The following STARD5 variants were observed in gnomAD, a reference collection of about 807,000 sequenced individuals.
The protein encoded by STARD5 is StAR related lipid transfer domain containing 5, also known as stAR-related lipid transfer protein 5.
In STARD5, 26 loss-of-function variants were observed where a neutral mutation model predicts 24.6. That is an observed-to-expected ratio of 1.06 (90% confidence interval 0.77 to 1.47). STARD5 has a LOEUF of 1.47. Ranked by LOEUF, STARD5 falls within the 40% of genes most tolerant of loss-of-function variation. The probability of loss-of-function intolerance (pLI) is 0.00; values close to 1 mark genes in which losing one functional copy is unlikely to be tolerated. For missense variants in STARD5, 254 were observed against 270.8 expected (o/e 0.94, Z 0.44); for synonymous variants, 101 against 99.7 (o/e 1.01, Z -0.07).
At position 81,324,060 on chromosome 15, in the gene STARD5, C is replaced by T; in HGVS notation, c.40G>A (p.Ala14Thr). The stretch of plus-strand genomic sequence containing the variant: ...CGCCGGTACTGGAGCATCTTCTCGG[C>T]CACAGCCTCGCTCATCTGGGCTGCC... Reference protein sequence around the residue: ...ALAAQMSEAVAEKMLQYRRDT... With the variant: ...ALAAQMSEAVTEKMLQYRRDT... Residue 14 changes from alanine to threonine, a missense_variant, in exon 1 of 6, where the codon GCC becomes ACC. By Grantham distance (58) the Ala-to-Thr change is moderately conservative. Coordinates refer to ENST00000302824, the MANE Select transcript of STARD5 (RefSeq NM_181900.3). 4.4e-6 allele frequency: 7 copies of T among 1,583,852 alleles called. No individual in the cohort carries two copies. The highest frequency in any genetic ancestry group is 6.0e-6 in the Non-Finnish European group (7 of 1,162,050).
intron 1 of STARD5, 199 bp downstream of exon 1, chr15:81,323,802 C>A (rs1182324491): frequency 1.4e-6 from 1 of 701,778 alleles, no homozygotes; most frequent in Admixed American, 2.5e-5. Context: ...AGATACTTAC[C>A]ACCTGAAGTC....
chr15:81,319,861 C>A (rs915699533), intron 3 of STARD5, among the ~76,000 whole-genome samples: 3 of 152,134 alleles, frequency 2.0e-5, no homozygotes, highest in Non-Finnish European at 2.9e-5. Flanking sequence ...GAACTCAGCA[C>A]GAAGCTCATG....
chr15:81,317,310 CAGAA>C (rs1901105243), intron 5 of STARD5, among the ~76,000 whole-genome samples: 1 of 152,080 alleles, frequency 6.6e-6, no homozygotes. Flanking sequence ...TTCAGCCCCT[CAGAA>C]GGAAGGACTC....
At position 81,322,404 on chromosome 15, in the gene STARD5, T is replaced by G; in HGVS notation, c.282+4A>C. The G allele has an allele frequency of 6.2e-7, 1 of 1,614,202 alleles. No individual in the cohort carries two copies. The highest frequency in any genetic ancestry group is 8.5e-7 in the Non-Finnish European group (1 of 1,180,026). ...CTAGAGATAACATGCTTGGAAAGACTTACGTCAGTGATGCTTTGGATAATT... is the reference window on the plus strand; with the variant it reads ...CTAGAGATAACATGCTTGGAAAGACGTACGTCAGTGATGCTTTGGATAATT... On this transcript the variant is annotated splice_donor_region_variant and intron_variant, in intron 3 of 5. Transcript: ENST00000302824.
At position 81,311,270 on chromosome 15, in the gene STARD5, C is replaced by G. The variant is rs1197436078; in HGVS notation, c.*1986G>C. 6.6e-6 allele frequency: 1 copy of G among 152,254 alleles called. No homozygotes were observed. Among genetic ancestry groups the G allele is most frequent in the African/African-American group, 2.4e-5 (1 of 41,470 alleles). 9.4% of individuals were successfully genotyped at this position (152,254 alleles called of 1,614,324 possible). A position where few individuals can be genotyped will look rare whatever the true frequency, so the allele number is the denominator to read the frequency against. The stretch of plus-strand genomic sequence containing the variant: ...AATCCACTCCCAGGCAGCCCTACTT[C>G]TTTGCTTTGCCCAGCATTTTACTGA... On this transcript the variant is annotated 3_prime_UTR_variant, in exon 6 of 6. Transcript: ENST00000302824.
chr15:81,323,072 A>C, intron 1 of STARD5, 124 bp from the exon 2 acceptor site: 1 of 1,006,532 alleles, frequency 9.9e-7, no homozygotes, highest in East Asian at 2.6e-5. Flanking sequence ...AAGGCTGTGC[A>C]ACCCATACGT....
chr15:81,314,820 A>G (rs1901040058), intron 5 of STARD5, among the ~76,000 whole-genome samples: 1 of 137,922 alleles, frequency 7.3e-6, no homozygotes. Context: ...TGGGAGGCGG[A>G]GGTTGCAGTG....
Position 81,313,150 on chromosome 15 carries a change from A to G in STARD5, c.*106T>C, listed in dbSNP as rs1216565758. ...GATGCGCAGTCCATCAGCTTGTTCC[A>G]AAGAGTGAACACAGGCCTCTGCGTG... On this transcript the variant is annotated 3_prime_UTR_variant, in exon 6 of 6. Coordinates refer to ENST00000302824, the MANE Select transcript of STARD5 (RefSeq NM_181900.3). 2.3e-6 allele frequency: 3 copies of G among 1,328,792 alleles called. No homozygotes were observed. The highest frequency in any genetic ancestry group is 1.5e-5 in the African/African-American group (1 of 65,630). The allele number at this position is 1,328,792 out of a possible 1,614,324, so 82.3% of individuals were successfully genotyped here. A position where few individuals can be genotyped will look rare whatever the true frequency, so the allele number is the denominator to read the frequency against.
rs1364650418 is a variant in STARD5 at position 81,310,207 on chromosome 15, A to G, written c.*3049T>C. 1 of 152,200 alleles carries G rather than the reference A, an allele frequency of 6.6e-6. No homozygotes were observed. Among genetic ancestry groups the G allele is most frequent in the African/African-American group, 2.4e-5 (1 of 41,448 alleles). The allele number at this position is 152,200 out of a possible 1,614,324, so 9.4% of individuals were successfully genotyped here. A position where few individuals can be genotyped will look rare whatever the true frequency, so the allele number is the denominator to read the frequency against. On this transcript the variant is annotated 3_prime_UTR_variant, in exon 6 of 6. Transcript: ENST00000302824. Reference sequence around the variant, plus strand: ...CTGGCAAGGACACAGATGAAACACAAACAATAGTAATTCTCAGGCCATCAT... The same window carrying G: ...CTGGCAAGGACACAGATGAAACACAGACAATAGTAATTCTCAGGCCATCAT...
chr15:81,315,382 G>A (rs897168821), intron 5 of STARD5, among the ~76,000 whole-genome samples: 1 of 152,106 alleles, frequency 6.6e-6, no homozygotes. Context: ...CTTGGTGAGT[G>A]GTAGCTCTTG....
intron 2 of STARD5, 55 bp downstream of exon 2, chr15:81,322,844 G>C (rs1893316071): frequency 1.2e-6 from 2 of 1,605,780 alleles, no homozygotes. Flanking sequence ...GGCCCATAAA[G>C]ATACCAGGAA....
At chr15:81,313,598 G>C in intron 5 of STARD5, 195 bp from the exon 6 acceptor site, 1 of 418,504 alleles carries the variant, frequency 2.4e-6, no homozygotes, top group Non-Finnish European at 4.1e-6. Context: ...ATCCTGTCGG[G>C]GATGCATTCC....
Position 81,313,066 on chromosome 15 carries a change from C to A in STARD5, c.*190G>T, listed in dbSNP as rs1306369821. On this transcript the variant is annotated 3_prime_UTR_variant, in exon 6 of 6. Coordinates refer to ENST00000302824, the MANE Select transcript of STARD5 (RefSeq NM_181900.3). ...ACATGAATGGCTCATCACACGCCAA[C>A]CCTGAGTGGGGCAGGAGGCAGGAAG... The A allele has an allele frequency of 7.2e-6, 4 of 554,482 alleles. No homozygotes were observed. The highest frequency in any genetic ancestry group is 3.9e-5 in the African/African-American group (2 of 50,640). The allele number at this position is 554,482 out of a possible 1,614,324, so 34.3% of individuals were successfully genotyped here. A position where few individuals can be genotyped will look rare whatever the true frequency, so the allele number is the denominator to read the frequency against.
intron 3 of STARD5, among the ~76,000 whole-genome samples, chr15:81,321,237 G>A (rs981008831): frequency 2.0e-5 from 3 of 152,092 alleles, no homozygotes; most frequent in Admixed American, 6.5e-5. Context: ...TACTTGTCAC[G>A]TTTAATATTT....
At chr15:81,323,145 A>G (rs1160312087) in intron 1 of STARD5, 197 bp from the exon 2 acceptor site, 2 of 603,754 alleles carry the variant, frequency 3.3e-6, no homozygotes, top group East Asian at 2.8e-5. Flanking sequence ...GAAGAAAAAG[A>G]TCTTAACTGG....
At chr15:81,321,714 A>T (rs1893295230) in intron 3 of STARD5, among the ~76,000 whole-genome samples, 1 of 152,186 alleles carries the variant, frequency 6.6e-6, no homozygotes, top group Admixed American at 6.5e-5. Context: ...AAGAATAAAC[A>T]TGTATTGTAT....
At position 81,313,010 on chromosome 15, in the gene STARD5, GTT is replaced by G; in HGVS notation, c.*244_*245del. ...GGGTCTACCCTGCCAGGAGAGGCGTGTTTGGGTAACAGGCAGATGGAGTTTGG... is the reference window on the plus strand; with the variant it reads ...GGGTCTACCCTGCCAGGAGAGGCGTGTGGGTAACAGGCAGATGGAGTTTGG... On this transcript the variant is annotated 3_prime_UTR_variant, in exon 6 of 6. Transcript: ENST00000302824. 1 of 279,528 alleles carries G rather than the reference GTT, an allele frequency of 3.6e-6. No homozygotes were observed. The highest frequency in any genetic ancestry group is 6.5e-6 in the Non-Finnish European group (1 of 152,926). 17.3% of individuals were successfully genotyped at this position (279,528 alleles called of 1,614,324 possible). A position where few individuals can be genotyped will look rare whatever the true frequency, so the allele number is the denominator to read the frequency against.
rs1293396460 is a variant in STARD5 at position 81,311,239 on chromosome 15, A to T, written c.*2017T>A. 6.6e-6 allele frequency: 1 copy of T among 152,192 alleles called. No individual in the cohort carries two copies. Among genetic ancestry groups the T allele is most frequent in the Non-Finnish European group, 1.5e-5 (1 of 68,052 alleles). 9.4% of individuals were successfully genotyped at this position (152,192 alleles called of 1,614,324 possible). A position where few individuals can be genotyped will look rare whatever the true frequency, so the allele number is the denominator to read the frequency against. On this transcript the variant is annotated 3_prime_UTR_variant, in exon 6 of 6. Coordinates refer to ENST00000302824, the MANE Select transcript of STARD5 (RefSeq NM_181900.3). ...TGTGAAGTCGTCTTAACTCACCATA[A>T]AAAGGAATCCACTCCCAGGCAGCCC... is the stretch of plus-strand genomic sequence containing the variant.
Position 81,309,121 on chromosome 15 carries a change from G to A in STARD5, c.*4135C>T. 2 of 256,586 alleles carry A rather than the reference G, an allele frequency of 7.8e-6. No homozygotes were observed. The highest frequency in any genetic ancestry group is 7.4e-6 in the Non-Finnish European group (1 of 134,848). 15.9% of individuals were successfully genotyped at this position (256,586 alleles called of 1,614,324 possible). ...ACATTCATGCCTGGCTTCGCAAAAT[G>A]TTTCAAGTACTGTAACTGTGTCATG... On this transcript the variant is annotated 3_prime_UTR_variant, in exon 6 of 6. Transcript: ENST00000302824.
Sources: allele counts gnomAD v4.1 joint callset (sites outside exome capture counted in the v4.1 genomes callset), GRCh38; gene constraint gnomAD v4.1.1; transcripts MANE v1.5; gene names NCBI Gene and HGNC (gene_info 2026-07-23, HGNC 2026-07-21).